The following KCTD8 variants were observed in gnomAD, a reference collection of about 807,000 sequenced individuals.
KCTD8 encodes potassium channel tetramerization domain containing 8.
A neutral mutation model predicts 31.5 loss-of-function variants in KCTD8; 27 were observed. The observed-to-expected ratio is 0.86, with a 90% CI of 0.63 to 1.18. KCTD8 has a LOEUF of 1.18. Among genes scored for constraint, KCTD8 ranks in the 50% most tolerant of loss-of-function variants. The pLI is 0.00. For synonymous variants in KCTD8, 290 were observed against 280.0 expected, an observed-to-expected ratio of 1.04 and a Z score of -0.36; for missense variants, 658 against 647.7, an observed-to-expected ratio of 1.02 and a Z score of -0.17.
At chr4:44,323,500 A>ACCCCAC (rs1718355480) in intron 1 of KCTD8, among the ~76,000 whole-genome samples, 1 of 82,016 alleles carries the variant, frequency 1.2e-5, no homozygotes, top group Non-Finnish European at 2.3e-5. Context: ...ATCCCCACCC[A>ACCCCAC]CCCCCCCCCA....
chr4:44,362,103 T>C (rs778624533), intron 1 of KCTD8, among the ~76,000 whole-genome samples: 4 of 151,942 alleles, frequency 2.6e-5, no homozygotes, highest in Non-Finnish European at 4.4e-5. Flanking sequence ...GCAGCAGAAA[T>C]ATAAATAGAG....
rs184490637 is a variant in KCTD8 at position 44,183,383 on chromosome 4, G to T, written c.962-8133C>A. 5.3e-5 allele frequency among the ~76,000 whole-genome samples: 8 copies of T among 152,014 alleles called. No homozygotes were observed. The East Asian group carries it at 9.7e-4, about 18-fold the overall frequency. On this transcript the variant is annotated intron_variant, in intron 1 of 1. Transcript: ENST00000360029. ...GTATTTAAGAAAATAAAACACAAAG[G>T]CCCTGGTATAAGCTATCAAAAATGT...
At chr4:44,397,074 T>G (rs1323962819) in intron 1 of KCTD8, among the ~76,000 whole-genome samples, 3 of 152,098 alleles carry the variant, frequency 2.0e-5, no homozygotes. Context: ...GAACAAAAAA[T>G]AACCCCTTAA....
At chr4:44,374,467 A>C (rs1178612261) in intron 1 of KCTD8, among the ~76,000 whole-genome samples, 1 of 152,184 alleles carries the variant, frequency 6.6e-6, no homozygotes. Flanking sequence ...ACACTTTCTT[A>C]TCATTGTGTG....
intron 1 of KCTD8, among the ~76,000 whole-genome samples, chr4:44,252,068 T>A (rs1042019114): frequency 2.0e-5 from 3 of 151,722 alleles, no homozygotes; most frequent in Admixed American, 1.3e-4. Context: ...TGCCTTTACA[T>A]CCTTATAGCT....
intron 1 of KCTD8, among the ~76,000 whole-genome samples, chr4:44,232,422 C>T (rs1715149278): frequency 6.6e-6 from 1 of 152,092 alleles, no homozygotes; most frequent in Admixed American, 6.6e-5. Flanking sequence ...TCCCTAATAC[C>T]ACCCTGTGCC....
chr4:44,179,180 A>G (rs1713303685), intron 1 of KCTD8, among the ~76,000 whole-genome samples: 1 of 152,022 alleles, frequency 6.6e-6, no homozygotes, highest in Non-Finnish European at 1.5e-5. Context: ...TTTACTTTCA[A>G]ATTTTCTTTG....
intron 1 of KCTD8, among the ~76,000 whole-genome samples, chr4:44,308,871 G>A (rs1212747771): frequency 1.3e-5 from 2 of 151,970 alleles, no homozygotes; most frequent in African/African-American, 4.8e-5. Context: ...ATAAACTCCA[G>A]GAGTTTGCCC....
At chr4:44,429,000 A>G (rs1194556759) in intron 1 of KCTD8, among the ~76,000 whole-genome samples, 1 of 151,762 alleles carries the variant, frequency 6.6e-6, no homozygotes, top group African/African-American at 2.4e-5. Context: ...CTTCCCATAA[A>G]TCATCATTGC....
intron 1 of KCTD8, among the ~76,000 whole-genome samples, chr4:44,367,876 CAAA>C (rs11424950): frequency 6.9e-6 from 1 of 145,514 alleles, no homozygotes. Flanking sequence ...ATGATAGGAC[CAAA>C]AAAAAAAAAT....
chr4:44,392,259 T>C (rs1358992300), intron 1 of KCTD8, among the ~76,000 whole-genome samples: 1 of 151,966 alleles, frequency 6.6e-6, no homozygotes, highest in East Asian at 1.9e-4. Flanking sequence ...ATGTAGGAGA[T>C]AGAATTAGTC....
intron 1 of KCTD8, among the ~76,000 whole-genome samples, chr4:44,337,272 A>T (rs1318240553): frequency 6.6e-6 from 1 of 152,212 alleles, no homozygotes; most frequent in Non-Finnish European, 1.5e-5. Flanking sequence ...TAAATGGTCA[A>T]ACCTATGAAA....
chr4:44,303,570 C>A (rs1038766566), intron 1 of KCTD8, among the ~76,000 whole-genome samples: 6 of 152,040 alleles, frequency 3.9e-5, no homozygotes, highest in Non-Finnish European at 8.8e-5. Flanking sequence ...AATCCCAGTA[C>A]TTTGGGAGGC....
At chr4:44,176,467 A>G (rs1173666551) in intron 1 of KCTD8, among the ~76,000 whole-genome samples, 1 of 152,154 alleles carries the variant, frequency 6.6e-6, no homozygotes, top group African/African-American at 2.4e-5. Flanking sequence ...TGATCAGTCT[A>G]ATATATATGA....
At chr4:44,347,057 C>T (rs1258770263) in intron 1 of KCTD8, among the ~76,000 whole-genome samples, 2 of 152,164 alleles carry the variant, frequency 1.3e-5, no homozygotes, top group African/African-American at 4.8e-5. Context: ...ACATCAAATA[C>T]AGCCATGTTA....
intron 1 of KCTD8, among the ~76,000 whole-genome samples, chr4:44,290,455 A>G (rs1306348311): frequency 6.6e-6 from 1 of 152,154 alleles, no homozygotes; most frequent in East Asian, 1.9e-4. Context: ...CAATTGAGCA[A>G]TTATACCTAA....
intron 1 of KCTD8, among the ~76,000 whole-genome samples, chr4:44,311,686 T>C (rs1717955522): frequency 6.6e-6 from 1 of 151,954 alleles, no homozygotes; most frequent in Middle Eastern, 3.4e-3. Flanking sequence ...TAATAACAAA[T>C]GGTCTTTATA....
chr4:44,241,929 A>C (rs920029751), intron 1 of KCTD8, among the ~76,000 whole-genome samples: 1 of 152,188 alleles, frequency 6.6e-6, no homozygotes, highest in Non-Finnish European at 1.5e-5. Context: ...AATAATAAAT[A>C]AAAAAGTGTT....
At chr4:44,278,897 T>G (rs1716822558) in intron 1 of KCTD8, among the ~76,000 whole-genome samples, 1 of 152,060 alleles carries the variant, frequency 6.6e-6, no homozygotes, top group Non-Finnish European at 1.5e-5. Context: ...TTTATTGATA[T>G]GCTGTGACTG....
Sources: gnomAD v4.1 joint callset for allele counts (sites outside exome capture counted in the v4.1 genomes callset) on GRCh38, gnomAD v4.1.1 for gene constraint, MANE v1.5 for transcripts, NCBI Gene and HGNC (gene_info 2026-07-23, HGNC 2026-07-21) for gene names.